Variants in ABCB1 observed in about 807,000 individuals in gnomAD.
ABCB1 encodes the protein ATP-dependent translocase ABCB1.
ABCB1 carries 69 observed loss-of-function variants against 142.0 expected under a neutral mutation model. The ratio of observed to expected loss-of-function variants is 0.49; its 90% confidence interval spans 0.40 to 0.59. ABCB1 has a LOEUF of 0.59. Ranked by LOEUF, ABCB1 falls within the 20% of genes least tolerant of loss-of-function variation. The pLI is 0.00. For missense variants in ABCB1, 1,326 were observed against 1,554.7 expected, an observed-to-expected ratio of 0.85 and a Z score of 2.47; for synonymous variants, 532 against 539.2, an observed-to-expected ratio of 0.99 and a Z score of 0.18.
chr7:87,571,321 T>A (rs1818044702), intron 4 of ABCB1, among the ~76,000 whole-genome samples: 1 of 152,100 alleles, frequency 6.6e-6, no homozygotes, highest in Non-Finnish European at 1.5e-5. Context: ...GTCCTGCAGG[T>A]ATGGTGCAAG....
At chr7:87,610,232 CTTTTT>C (rs914468581) in intron 1 of ABCB1, among the ~76,000 whole-genome samples, 8 of 117,040 alleles carry the variant, frequency 6.8e-5, no homozygotes, top group Non-Finnish European at 8.9e-5. Context: ...CTTTTTCTTT[CTTTTT>C]TTTTTTTTTT....
chr7:87,550,210 G>T lies in ABCB1; in HGVS notation c.1311C>A (p.Val437=). The change falls in exon 12 of 28, where the codon GTC becomes GTA. Residue 437 remains valine, a synonymous_variant. Coordinates refer to ENST00000622132, the MANE Select transcript of ABCB1 (RefSeq NM_001348946.2). ...GGTCATAGAGCCTCTGCATCAGCTG[G>T]ACTGTTGTGCTCTTCCCACAGCCAC... ...GNSGCGKSTT[V]QLMQRLYDPT... The T allele has an allele frequency of 6.2e-7, 1 of 1,614,150 alleles. No individual in the cohort carries two copies. Among genetic ancestry groups the T allele is most frequent in the Non-Finnish European group, 8.5e-7 (1 of 1,180,024 alleles).
intron 1 of ABCB1, among the ~76,000 whole-genome samples, chr7:87,660,014 T>C (rs1824525383): frequency 6.6e-6 from 1 of 152,166 alleles, no homozygotes. Context: ...GATTTCGGTT[T>C]GATAACATTT....
intron 1 of ABCB1, chr7:87,713,146 G>A (rs1368208720): frequency 1.3e-5 from 2 of 152,114 alleles, no homozygotes; most frequent in African/African-American, 4.8e-5. Context: ...ATTAGAAAGA[G>A]TATTTGTACC....
chr7:87,560,622 A>G (rs1817521282), intron 8 of ABCB1, among the ~76,000 whole-genome samples: 1 of 152,314 alleles, frequency 6.6e-6, no homozygotes, highest in East Asian at 1.9e-4. Flanking sequence ...ATTTATATTC[A>G]TAAGATTGAA....
intron 3 of ABCB1, among the ~76,000 whole-genome samples, chr7:87,590,827 A>G (rs1818972777): frequency 6.6e-6 from 1 of 152,246 alleles, no homozygotes; most frequent in Non-Finnish European, 1.5e-5. Context: ...GTTTTAAGGT[A>G]GGGACCAAGG....
At chr7:87,621,949 G>T (rs534365655) in intron 1 of ABCB1, among the ~76,000 whole-genome samples, 2 of 152,114 alleles carry the variant, frequency 1.3e-5, no homozygotes, top group African/African-American at 4.8e-5. Flanking sequence ...TTGGGACAGT[G>T]GTTAATCATT....
chr7:87,593,526 C>T (rs1819079288), intron 3 of ABCB1, among the ~76,000 whole-genome samples: 1 of 152,214 alleles, frequency 6.6e-6, no homozygotes, highest in African/African-American at 2.4e-5. Flanking sequence ...GGCCTGTATA[C>T]AAAGGTTGGC....
chr7:87,585,716 T>C, intron 3 of ABCB1, 36 bp from the exon 4 acceptor site: 1 of 1,603,004 alleles, frequency 6.2e-7, no homozygotes, highest in Non-Finnish European at 8.5e-7. Context: ...AGAGGAAAAA[T>C]TAGTACAGTT....
intron 1 of ABCB1, among the ~76,000 whole-genome samples, chr7:87,632,256 A>G (rs1367421482): frequency 1.3e-5 from 2 of 152,186 alleles, no homozygotes; most frequent in African/African-American, 2.4e-5. Flanking sequence ...ACAATTCTTT[A>G]TGTTTAAAGC....
At chr7:87,650,843 T>G in intron 1 of ABCB1, 1 of 1,608,902 alleles carries the variant, frequency 6.2e-7, no homozygotes, top group Non-Finnish European at 8.5e-7. Flanking sequence ...AGACCCTGAT[T>G]GATCGGTCTT....
At chr7:87,650,251 C>T (rs1823444111) in intron 1 of ABCB1, among the ~76,000 whole-genome samples, 1 of 152,050 alleles carries the variant, frequency 6.6e-6, no homozygotes, top group African/African-American at 2.4e-5. Flanking sequence ...TTAGTTTTTT[C>T]AGTAGATACT....
chr7:87,530,593 T>C (rs1417898323), intron 21 of ABCB1, among the ~76,000 whole-genome samples: 1 of 146,476 alleles, frequency 6.8e-6, no homozygotes, highest in East Asian at 2.0e-4. Flanking sequence ...AAAAAAGAAG[T>C]AAAAAAAGGG....
At chr7:87,634,280 G>T (rs1224504180) in intron 1 of ABCB1, among the ~76,000 whole-genome samples, 2 of 152,104 alleles carry the variant, frequency 1.3e-5, no homozygotes. Flanking sequence ...GTCATTTGAT[G>T]GGGGCAGACC....
chr7:87,544,882 G>T lies in ABCB1; in HGVS notation c.2005C>A (p.Arg669Ser), dbSNP rs35023033. ...RSSLIRKRST[R>S]RSVRGSQAQD... is the part of the protein sequence containing the mutation. Reference sequence around the variant, plus strand: ...GCTTGTGATCCACGGACACTCCTACGAGTTGATCTTTTTCTTATTAGACTG... The same window carrying T: ...GCTTGTGATCCACGGACACTCCTACTAGTTGATCTTTTTCTTATTAGACTG... The change falls in exon 16 of 28, where the codon CGT becomes AGT. Residue 669 changes from arginine (R) to serine (S), a missense_variant. Coordinates refer to ENST00000622132, the MANE Select transcript of ABCB1 (RefSeq NM_001348946.2). The T allele has an allele frequency of 5.6e-6, 9 of 1,613,928 alleles. No individual in the cohort carries two copies. The highest frequency in any genetic ancestry group is 7.6e-6 in the Non-Finnish European group (9 of 1,180,016).
intron 1 of ABCB1, among the ~76,000 whole-genome samples, chr7:87,659,023 T>C (rs1391433326): frequency 6.6e-6 from 1 of 152,066 alleles, no homozygotes; most frequent in Non-Finnish European, 1.5e-5. Flanking sequence ...CATGGTGATA[T>C]GCGTCTGTGG....
At chr7:87,695,671 T>C (rs1299265521) in intron 1 of ABCB1, among the ~76,000 whole-genome samples, 2 of 152,106 alleles carry the variant, frequency 1.3e-5, no homozygotes, top group African/African-American at 2.4e-5. Flanking sequence ...GCACTATTAC[T>C]AAAGATGGGG....
At chr7:87,542,177 TA>T (rs780340870) in intron 17 of ABCB1, among the ~76,000 whole-genome samples, 3 of 152,042 alleles carry the variant, frequency 2.0e-5, no homozygotes, top group African/African-American at 2.4e-5. Flanking sequence ...TTATCCTTCA[TA>T]AAAAAACAAA....
chr7:87,535,106 T>C (rs1288938612), intron 20 of ABCB1, among the ~76,000 whole-genome samples: 1 of 152,064 alleles, frequency 6.6e-6, no homozygotes, highest in African/African-American at 2.4e-5. Context: ...CAAATTAGTC[T>C]AAAACACTAT....
Sources: gnomAD v4.1 joint callset for allele counts (sites outside exome capture counted in the v4.1 genomes callset) on GRCh38, gnomAD v4.1.1 for gene constraint, MANE v1.5 for transcripts, NCBI Gene and HGNC (gene_info 2026-07-23, HGNC 2026-07-21) for gene names.